The following RBFOX1 variants were observed in gnomAD, a reference collection of about 807,000 sequenced individuals.
RBFOX1 encodes the protein RNA binding fox-1 homolog 1, also known as RNA binding protein fox-1 homolog 1.
RBFOX1 carries 8 observed loss-of-function variants against 57.7 expected under a neutral mutation model. The ratio of observed to expected loss-of-function variants is 0.14; its 90% CI spans 0.08 to 0.25. RBFOX1 has a LOEUF of 0.25. RBFOX1 is among the 10% of genes least tolerant of loss of function. RBFOX1 has a pLI of 1.00. For missense variants in RBFOX1, 611 were observed against 548.5 expected, an observed-to-expected ratio of 1.11 and a Z score of -1.14; for synonymous variants, 326 against 222.4, an observed-to-expected ratio of 1.47 and a Z score of -4.15.
intron 14 of RBFOX1, among the ~76,000 whole-genome samples, chr16:7,705,499 A>C (rs963919718): frequency 1.4e-4 from 21 of 152,220 alleles, no homozygotes; most frequent in South Asian, 4.2e-4. Flanking sequence ...AGCAAGACCA[A>C]CTCAAAAAAA....
At chr16:7,373,237 T>A (rs1234051830) in intron 4 of RBFOX1, among the ~76,000 whole-genome samples, 2 of 152,038 alleles carry the variant, frequency 1.3e-5, no homozygotes, top group East Asian at 3.9e-4. Context: ...CTGGCTGAAA[T>A]TGCATTACTT....
At chr16:5,635,576 A>C (rs2151315475) in intron 3 of RBFOX1, among the ~76,000 whole-genome samples, 1 of 152,386 alleles carries the variant, frequency 6.6e-6, no homozygotes, top group South Asian at 2.1e-4. Flanking sequence ...CATGTAAATA[A>C]GCGTTTTAGC....
chr16:7,091,813 G>T (rs1167274720), intron 4 of RBFOX1, among the ~76,000 whole-genome samples: 1 of 152,198 alleles, frequency 6.6e-6, no homozygotes, highest in African/African-American at 2.4e-5. Context: ...GTTATTAACT[G>T]AGTATAGAGA....
intron 3 of RBFOX1, among the ~76,000 whole-genome samples, chr16:6,943,241 C>G (rs1051021038): frequency 3.9e-5 from 6 of 152,190 alleles, no homozygotes; most frequent in African/African-American, 1.4e-4. Context: ...AAGAGAAAGC[C>G]AGCAGTCAAT....
chr16:5,868,883 G>C (rs1461055973), intron 4 of RBFOX1, among the ~76,000 whole-genome samples: 1 of 152,218 alleles, frequency 6.6e-6, no homozygotes, highest in Non-Finnish European at 1.5e-5. Flanking sequence ...GTGGTTTGCT[G>C]TCACGGGAAT....
chr16:5,454,854 T>TTTC (rs1555524090), intron 1 of RBFOX1, among the ~76,000 whole-genome samples: 718 of 67,516 alleles, frequency 0.011, 20 homozygotes, highest in South Asian at 0.014. Flanking sequence ...TCTTTCTTTC[T>TTTC]TTTCTTTCTT....
chr16:6,908,977 C>T (rs77614160), intron 3 of RBFOX1, among the ~76,000 whole-genome samples: 4,497 of 152,188 alleles, frequency 0.03, 176 homozygotes, highest in East Asian at 0.12. Flanking sequence ...CTGGGGGCTC[C>T]GTTCTTCTGC....
intron 1 of RBFOX1, among the ~76,000 whole-genome samples, chr16:6,020,402 AG>A (rs1374308099): frequency 6.6e-6 from 1 of 152,104 alleles, no homozygotes; most frequent in Non-Finnish European, 1.5e-5. Flanking sequence ...CTCCGCCCGC[AG>A]GGTGTGCAGG....
intron 5 of RBFOX1, among the ~76,000 whole-genome samples, chr16:7,562,252 G>A (rs2152687766): frequency 6.6e-6 from 1 of 152,314 alleles, no homozygotes; most frequent in South Asian, 2.1e-4. Context: ...TAAAAGTGGA[G>A]CCTTGCTGGT....
At chr16:7,435,339 A>G (rs2098713286) in intron 4 of RBFOX1, among the ~76,000 whole-genome samples, 1 of 152,060 alleles carries the variant, frequency 6.6e-6, no homozygotes, top group Admixed American at 6.6e-5. Flanking sequence ...GGAGAGGAAG[A>G]CCACAGAGAC....
intron 2 of RBFOX1, among the ~76,000 whole-genome samples, chr16:5,589,611 A>G (rs911055515): frequency 1.3e-5 from 2 of 152,212 alleles, no homozygotes; most frequent in Non-Finnish European, 2.9e-5. Flanking sequence ...GGATCACTAC[A>G]TGAAAGTGGC....
chr16:6,839,872 T>C (rs1017568537), intron 3 of RBFOX1, among the ~76,000 whole-genome samples: 5 of 152,196 alleles, frequency 3.3e-5, no homozygotes, highest in Admixed American at 1.3e-4. Flanking sequence ...GGGTATCTTT[T>C]CCCCTCCCAT....
At chr16:6,477,885 C>A (rs117434482) in intron 2 of RBFOX1, among the ~76,000 whole-genome samples, 2 of 152,320 alleles carry the variant, frequency 1.3e-5, no homozygotes, top group African/African-American at 4.8e-5. Context: ...ATTTCACCTT[C>A]CACTTGCATG....
chr16:6,253,697 G>GTATA (rs1474094444), intron 1 of RBFOX1, among the ~76,000 whole-genome samples: 1,690 of 88,558 alleles, frequency 0.019, 39 homozygotes, highest in African/African-American at 0.047. Context: ...GTGTGTGTGT[G>GTATA]TGTATATATA....
intron 2 of RBFOX1, among the ~76,000 whole-genome samples, chr16:6,322,876 C>T (rs1324110049): frequency 6.6e-6 from 1 of 152,154 alleles, no homozygotes; most frequent in Non-Finnish European, 1.5e-5. Flanking sequence ...AGTCTGTGGT[C>T]TGGAAGGACA....
intron 10 of RBFOX1, among the ~76,000 whole-genome samples, chr16:7,608,501 G>T (rs2056789642): frequency 6.6e-6 from 1 of 152,190 alleles, no homozygotes; most frequent in Non-Finnish European, 1.5e-5. Flanking sequence ...CAAAATAGCT[G>T]TGTTCACTCT....
chr16:6,529,733 GGAA>G (rs752281753), intron 2 of RBFOX1, among the ~76,000 whole-genome samples: 64 of 152,016 alleles, frequency 4.2e-4, no homozygotes, highest in Non-Finnish European at 8.4e-4. Flanking sequence ...CAACACGTAC[GGAA>G]GAAGGTGTTT....
At chr16:5,901,381 C>T (rs1275610346) in intron 4 of RBFOX1, among the ~76,000 whole-genome samples, 2 of 152,200 alleles carry the variant, frequency 1.3e-5, no homozygotes, top group African/African-American at 4.8e-5. Flanking sequence ...CTTCCCAGAG[C>T]TGAGCAATGA....
chr16:5,986,489 C>T (rs942627052), intron 4 of RBFOX1, among the ~76,000 whole-genome samples: 10 of 152,176 alleles, frequency 6.6e-5, no homozygotes, highest in African/African-American at 2.4e-4. Flanking sequence ...CTTAAGATAT[C>T]GAATCATTCC....
Sources: allele counts gnomAD v4.1 joint callset (sites outside exome capture counted in the v4.1 genomes callset), GRCh38; gene constraint gnomAD v4.1.1; transcripts MANE v1.5; gene names NCBI Gene and HGNC (gene_info 2026-07-23, HGNC 2026-07-21).